CADM2: variants seen among roughly 807,000 people sequenced by gnomAD.
The protein encoded by CADM2 is cell adhesion molecule 2, also known as immunoglobulin superfamily member 4D.
A neutral mutation model predicts 49.8 loss-of-function variants in CADM2; 12 were observed. That is an observed-to-expected ratio of 0.24 (90% CI 0.15 to 0.39). The LOEUF (loss-of-function observed/expected upper bound fraction) is 0.39, where lower values mean the gene tolerates loss of function less well. CADM2 is among the 10% of genes least tolerant of loss of function. The probability of loss-of-function intolerance (pLI) is 1.00; values close to 1 mark genes in which losing one functional copy is unlikely to be tolerated. For synonymous variants in CADM2, 214 were observed against 175.4 expected (o/e 1.22, Z -1.74); for missense variants, 378 against 492.3 (o/e 0.77, Z 2.20).
chr3:85,180,603 T>A (rs2040910484), intron 1 of CADM2, among the ~76,000 whole-genome samples: 1 of 151,950 alleles, frequency 6.6e-6, no homozygotes. Context: ...AAATGCTATT[T>A]ACTCTTAATT....
chr3:85,736,952 T>C (rs879370217), intron 2 of CADM2, among the ~76,000 whole-genome samples: 13 of 152,200 alleles, frequency 8.5e-5, no homozygotes, highest in Non-Finnish European at 1.8e-4. Context: ...GAAATTCCTT[T>C]CAAGAATACA....
intron 1 of CADM2, among the ~76,000 whole-genome samples, chr3:85,340,451 T>C (rs2045209604): frequency 6.6e-6 from 1 of 151,586 alleles, no homozygotes; most frequent in Admixed American, 6.6e-5. Flanking sequence ...TTTGTGTGTG[T>C]ACATATATAT....
intron 8 of CADM2, among the ~76,000 whole-genome samples, chr3:85,979,595 T>C (rs1209869127): frequency 6.6e-6 from 1 of 151,630 alleles, no homozygotes; most frequent in African/African-American, 2.4e-5. Context: ...TCTTGAGAGG[T>C]AAACAAATAA....
At chr3:85,726,682 CTACAAA>C (rs1316672734) in intron 2 of CADM2, 134 bp downstream of exon 2, 22 of 552,148 alleles carry the variant, frequency 4.0e-5, no homozygotes, top group Non-Finnish European at 6.0e-5. Flanking sequence ...TCATAAATTC[CTACAAA>C]TACAAATATC....
At chr3:85,385,079 G>T (rs1324215499) in intron 1 of CADM2, among the ~76,000 whole-genome samples, 1 of 151,982 alleles carries the variant, frequency 6.6e-6, no homozygotes, top group Non-Finnish European at 1.5e-5. Flanking sequence ...GGGACTACAG[G>T]TGCGCTCCAG....
At chr3:86,062,310 G>A (rs577717965) in intron 8 of CADM2, among the ~76,000 whole-genome samples, 3 of 152,122 alleles carry the variant, frequency 2.0e-5, no homozygotes, top group African/African-American at 7.2e-5. Context: ...AATATGACAG[G>A]TTTATTTTTT....
rs956165077 is a variant in CADM2, at chr3:85,321,645, G to A, written c.61+361977G>A. Among the ~76,000 whole-genome samples the A allele has an allele frequency of 8.6e-5, 13 of 151,826 alleles. No individual in the cohort carries two copies. The East Asian group carries it at 1.3e-3, about 16-fold the overall frequency. ...TATAATTTGATTTTATTAACTTTTC[G>A]TAAATTTGGCTTATACATCTCAAGT... On this transcript the variant is annotated intron_variant, in intron 1 of 9. Coordinates refer to ENST00000383699, the MANE Select transcript of CADM2 (RefSeq NM_001167675.2).
intron 1 of CADM2, among the ~76,000 whole-genome samples, chr3:85,584,965 A>C (rs1174789205): frequency 2.6e-5 from 4 of 152,058 alleles, no homozygotes; most frequent in African/African-American, 9.7e-5. Flanking sequence ...TACAGTGGTC[A>C]CCCTTTAGCC....
chr3:85,904,755 C>T (rs1467225564), intron 5 of CADM2, among the ~76,000 whole-genome samples: 2 of 152,108 alleles, frequency 1.3e-5, no homozygotes, highest in African/African-American at 2.4e-5. Flanking sequence ...TACGTTTTCA[C>T]GATATTGACT....
At chr3:85,761,367 C>CATTTTTTTTTTTTTTTTTTTTTTTT (rs1435295947) in intron 2 of CADM2, among the ~76,000 whole-genome samples, 1 of 101,090 alleles carries the variant, frequency 9.9e-6, no homozygotes. Context: ...CAACACAAAA[C>CATTTTTTTTTTTTTTTTTTTTTTTT]TTTTTTTTTT....
chr3:85,157,055 A>C (rs1318755391), intron 1 of CADM2, among the ~76,000 whole-genome samples: 1 of 152,140 alleles, frequency 6.6e-6, no homozygotes, highest in East Asian at 1.9e-4. Context: ...ACAGACAAAC[A>C]GAGAGCCAAA....
At chr3:85,130,026 G>T (rs1194577841) in intron 1 of CADM2, among the ~76,000 whole-genome samples, 3 of 152,118 alleles carry the variant, frequency 2.0e-5, no homozygotes, top group Admixed American at 6.5e-5. Context: ...TGGAAAGAAA[G>T]GATAGTTCAT....
At chr3:85,219,507 A>T (rs1296420931) in intron 1 of CADM2, among the ~76,000 whole-genome samples, 1 of 152,138 alleles carries the variant, frequency 6.6e-6, no homozygotes, top group African/African-American at 2.4e-5. Context: ...AATATACATT[A>T]TTTTTATATA....
intron 1 of CADM2, among the ~76,000 whole-genome samples, chr3:85,472,834 A>G (rs1459958184): frequency 6.6e-6 from 1 of 152,008 alleles, no homozygotes; most frequent in Non-Finnish European, 1.5e-5. Flanking sequence ...GACATTAAGT[A>G]ATTGACAATT....
intron 8 of CADM2, among the ~76,000 whole-genome samples, chr3:86,031,775 G>A (rs1459237185): frequency 1.3e-5 from 2 of 151,718 alleles, no homozygotes; most frequent in Non-Finnish European, 3.0e-5. Context: ...TTCAGTCAGT[G>A]AGATAGTCAA....
intron 6 of CADM2, among the ~76,000 whole-genome samples, chr3:85,926,867 G>A (rs2108516671): frequency 6.6e-6 from 1 of 152,244 alleles, no homozygotes; most frequent in Middle Eastern, 3.4e-3. Flanking sequence ...TAGAGAAAGA[G>A]TTAATTCTGA....
At chr3:85,428,075 A>G (rs2036495563) in intron 1 of CADM2, among the ~76,000 whole-genome samples, 2 of 151,788 alleles carry the variant, frequency 1.3e-5, no homozygotes, top group Non-Finnish European at 2.9e-5. Flanking sequence ...CTACTAAGTC[A>G]TCTTGTCCAA....
intron 2 of CADM2, among the ~76,000 whole-genome samples, chr3:85,741,271 AT>A (rs2068372023): frequency 6.6e-6 from 1 of 152,136 alleles, no homozygotes; most frequent in African/African-American, 2.4e-5. Flanking sequence ...TCTCCAAATA[AT>A]TGGAAAATGC....
At chr3:85,083,894 C>T (rs2037270637) in intron 1 of CADM2, among the ~76,000 whole-genome samples, 1 of 152,044 alleles carries the variant, frequency 6.6e-6, no homozygotes, top group Non-Finnish European at 1.5e-5. Flanking sequence ...AATTTAAGTT[C>T]CTATAGAAAG....
Sources: gnomAD v4.1 joint callset for allele counts (sites outside exome capture counted in the v4.1 genomes callset) on GRCh38, gnomAD v4.1.1 for gene constraint, MANE v1.5 for transcripts, NCBI Gene and HGNC (gene_info 2026-07-23, HGNC 2026-07-21) for gene names.